Variants in NLGN1 observed in about 807,000 individuals in gnomAD.
NLGN1 encodes the protein neuroligin 1, also known as neuroligin-1.
A neutral mutation model predicts 65.5 loss-of-function variants in NLGN1; 12 were observed. That is an observed-to-expected ratio of 0.18 (90% CI 0.12 to 0.30). The LOEUF (loss-of-function observed/expected upper bound fraction) is 0.30. Among genes scored for constraint, NLGN1 ranks in the 10% least tolerant of loss-of-function variants. NLGN1 has a pLI of 1.00. For synonymous variants in NLGN1, 350 were observed against 359.5 expected (o/e 0.97, Z 0.30); for missense variants, 750 against 1,007.1 (o/e 0.74, Z 3.46).
At chr3:173,816,297 A>G (rs549603123) in intron 4 of NLGN1, among the ~76,000 whole-genome samples, 64 of 152,180 alleles carry the variant, frequency 4.2e-4, no homozygotes, top group South Asian at 1.0e-3. Flanking sequence ...CATTCTCACA[A>G]CTCTATGAGG....
At chr3:173,962,263 T>A (rs2152349652) in intron 4 of NLGN1, among the ~76,000 whole-genome samples, 1 of 152,260 alleles carries the variant, frequency 6.6e-6, no homozygotes, top group Non-Finnish European at 1.5e-5. Flanking sequence ...TTTATTATTT[T>A]CTATTGTCTT....
chr3:174,222,352 A>G (rs1738826241), intron 4 of NLGN1, among the ~76,000 whole-genome samples: 1 of 152,194 alleles, frequency 6.6e-6, no homozygotes, highest in South Asian at 2.1e-4. Flanking sequence ...AAATAATTCT[A>G]GAATTAAGAG....
At chr3:174,049,188 A>G (rs555459975) in intron 4 of NLGN1, among the ~76,000 whole-genome samples, 138 of 152,198 alleles carry the variant, frequency 9.1e-4, no homozygotes, top group African/African-American at 3.1e-3. Context: ...TTTTCAGAAA[A>G]CAGCTAGTAA....
intron 3 of NLGN1, among the ~76,000 whole-genome samples, chr3:173,727,901 C>A (rs1355841430): frequency 6.6e-6 from 1 of 152,020 alleles, no homozygotes; most frequent in Non-Finnish European, 1.5e-5. Context: ...ATGGTGTTTC[C>A]CACTGAGTTG....
chr3:173,823,790 C>G (rs1479763808), intron 4 of NLGN1, among the ~76,000 whole-genome samples: 2 of 151,252 alleles, frequency 1.3e-5, no homozygotes, highest in African/African-American at 4.9e-5. Context: ...CAACAAGAAC[C>G]CTCAATTCAT....
intron 3 of NLGN1, among the ~76,000 whole-genome samples, chr3:173,806,981 C>T (rs894486353): frequency 2.0e-5 from 3 of 152,144 alleles, no homozygotes; most frequent in Non-Finnish European, 2.9e-5. Flanking sequence ...CTGTTCTCTT[C>T]TTCCAAAGGG....
chr3:173,473,698 A>T (rs1176451169), intron 2 of NLGN1, among the ~76,000 whole-genome samples: 3 of 152,120 alleles, frequency 2.0e-5, no homozygotes, highest in African/African-American at 7.2e-5. Context: ...ACAATACGTT[A>T]TTTTTTGCAT....
chr3:173,629,182 T>C (rs1306034195), intron 3 of NLGN1, among the ~76,000 whole-genome samples: 1 of 152,088 alleles, frequency 6.6e-6, no homozygotes, highest in African/African-American at 2.4e-5. Flanking sequence ...CTTTGGTCAG[T>C]CTTCTAGACA....
intron 3 of NLGN1, among the ~76,000 whole-genome samples, chr3:173,637,261 A>G (rs1380806836): frequency 6.6e-6 from 1 of 152,138 alleles, no homozygotes; most frequent in African/African-American, 2.4e-5. Context: ...ATCATAAAAT[A>G]TCTTTGGAAA....
intron 3 of NLGN1, among the ~76,000 whole-genome samples, chr3:173,708,265 G>T (rs184535345): frequency 6.6e-6 from 1 of 152,222 alleles, no homozygotes; most frequent in African/African-American, 2.4e-5. Context: ...TTTGAATTTG[G>T]AATCCTCTGA....
intron 4 of NLGN1, among the ~76,000 whole-genome samples, chr3:174,201,310 A>G (rs1734417582): frequency 1.0e-5 from 1 of 100,042 alleles, no homozygotes; most frequent in Non-Finnish European, 2.0e-5. Context: ...GGGAGGGAGG[A>G]AGGGAGGGAG....
At chr3:173,789,656 G>A (rs1019396266) in intron 3 of NLGN1, among the ~76,000 whole-genome samples, 4 of 152,170 alleles carry the variant, frequency 2.6e-5, no homozygotes, top group African/African-American at 9.7e-5. Context: ...ACAGAATTTA[G>A]CACCTGTAAT....
At position 173,466,524 on chromosome 3, in the gene NLGN1, A is replaced by G. The variant is rs527498899; in HGVS notation, c.-321+31446A>G. On this transcript the variant is annotated intron_variant, in intron 2 of 6. Coordinates refer to ENST00000457714, the Ensembl canonical transcript of NLGN1. ...GAGTTGGCTGCAACAGAGCGCTGGT[A>G]CTGGTGTGTTTTGTTTTGTATGCTA... Among the ~76,000 whole-genome samples the G allele has an allele frequency of 2.0e-5, 3 of 152,246 alleles. No individual in the cohort carries two copies. In the South Asian group the frequency reaches 6.2e-4, roughly 32 times the overall value.
At chr3:173,726,763 C>T (rs959466475) in intron 3 of NLGN1, among the ~76,000 whole-genome samples, 1 of 151,856 alleles carries the variant, frequency 6.6e-6, no homozygotes, top group Non-Finnish European at 1.5e-5. Context: ...ATTTTTAAAA[C>T]AGACAACAAG....
intron 2 of NLGN1, among the ~76,000 whole-genome samples, chr3:173,467,054 T>C (rs182697990): frequency 3.3e-5 from 5 of 152,234 alleles, no homozygotes; most frequent in Non-Finnish European, 7.4e-5. Flanking sequence ...AAAATAAAAA[T>C]ATATTTCTAA....
chr3:174,050,905 C>T (rs935348639), intron 4 of NLGN1, among the ~76,000 whole-genome samples: 3 of 151,960 alleles, frequency 2.0e-5, no homozygotes, highest in Admixed American at 6.6e-5. Context: ...CAGTTGAGCA[C>T]GATGATTCCA....
intron 4 of NLGN1, among the ~76,000 whole-genome samples, chr3:173,956,549 G>A (rs1345470048): frequency 1.3e-5 from 2 of 152,154 alleles, no homozygotes; most frequent in Non-Finnish European, 2.9e-5. Flanking sequence ...ACTCTGACAT[G>A]ATGTGGTAAC....
intron 4 of NLGN1, among the ~76,000 whole-genome samples, chr3:174,035,041 A>G (rs1730822731): frequency 6.6e-6 from 1 of 152,180 alleles, no homozygotes; most frequent in Non-Finnish European, 1.5e-5. Context: ...CAGGACAAGG[A>G]ATAATTATCA....
At chr3:173,636,440 A>G (rs1204517018) in intron 3 of NLGN1, among the ~76,000 whole-genome samples, 1 of 152,210 alleles carries the variant, frequency 6.6e-6, no homozygotes, top group East Asian at 1.9e-4. Flanking sequence ...ATCTTCCTCA[A>G]GGTCATAGTT....
Sources: allele counts gnomAD v4.1 joint callset (sites outside exome capture counted in the v4.1 genomes callset), GRCh38; gene constraint gnomAD v4.1.1; transcripts MANE v1.5; gene names NCBI Gene and HGNC (gene_info 2026-07-23, HGNC 2026-07-21).